The following ME1 variants were observed in gnomAD, a reference collection of about 807,000 sequenced individuals.
The protein encoded by ME1 is NADP-dependent malic enzyme.
In ME1, 74 loss-of-function variants were observed where a neutral mutation model predicts 66.4. That is an observed-to-expected ratio of 1.11 (90% CI 0.92 to 1.35). The LOEUF (loss-of-function observed/expected upper bound fraction) is 1.35. ME1 is among the 40% of genes most tolerant of loss of function. The pLI is 0.00. For synonymous variants in ME1, 251 were observed against 235.6 expected (o/e 1.07, Z -0.60); for missense variants, 750 against 694.1 (o/e 1.08, Z -0.90).
At chr6:83,254,512 T>A (rs1200567682) in intron 6 of ME1, among the ~76,000 whole-genome samples, 1 of 152,210 alleles carries the variant, frequency 6.6e-6, no homozygotes, top group Non-Finnish European at 1.5e-5. Context: ...TAGTAATGAT[T>A]AGACCATAGC....
intron 6 of ME1, among the ~76,000 whole-genome samples, chr6:83,296,983 T>C (rs942304634): frequency 6.6e-6 from 1 of 152,232 alleles, no homozygotes; most frequent in Non-Finnish European, 1.5e-5. Flanking sequence ...GTGATCATTA[T>C]GAATCAGTTG....
At chr6:83,318,066 A>T (rs895973243) in intron 5 of ME1, among the ~76,000 whole-genome samples, 2 of 151,988 alleles carry the variant, frequency 1.3e-5, no homozygotes, top group Non-Finnish European at 2.9e-5. Flanking sequence ...ATTCCCTATT[A>T]AATAAATGGT....
intron 8 of ME1, among the ~76,000 whole-genome samples, chr6:83,238,239 A>G (rs1790450660): frequency 6.6e-6 from 1 of 152,176 alleles, no homozygotes; most frequent in Admixed American, 6.5e-5. Flanking sequence ...ACAGAATGAA[A>G]CTGATGAAAA....
rs138950059 is a variant in ME1 at position 83,304,800 on chromosome 6, T to C, written c.704+10510A>G. On this transcript the variant is annotated intron_variant, in intron 6 of 13. Coordinates refer to ENST00000369705, the MANE Select transcript of ME1 (RefSeq NM_002395.6). ...TTGGCAACAGGAATGATTATTTTGT[T>C]CTTACATTTTGATTATGGCAAATTT... Among the ~76,000 whole-genome samples the C allele has an allele frequency of 4.6e-5, 7 of 152,316 alleles. No individual in the cohort carries two copies. The South Asian group carries it at 1.2e-3, about 27-fold the overall frequency.
At chr6:83,331,483 A>G (rs1257469480) in intron 5 of ME1, among the ~76,000 whole-genome samples, 1 of 151,316 alleles carries the variant, frequency 6.6e-6, no homozygotes, top group Admixed American at 6.6e-5. Flanking sequence ...GCTACTCAGG[A>G]GGCTGAGGCA....
chr6:83,392,607 C>T (rs1340235549), intron 3 of ME1: 22 of 572,976 alleles, frequency 3.8e-5, no homozygotes, highest in East Asian at 2.2e-4. Flanking sequence ...AGGCTGAGAA[C>T]GGGAAGCTTG....
At chr6:83,278,315 G>C (rs1324821369) in intron 6 of ME1, among the ~76,000 whole-genome samples, 4 of 152,132 alleles carry the variant, frequency 2.6e-5, no homozygotes, top group Non-Finnish European at 5.9e-5. Flanking sequence ...AGTCTTATGG[G>C]GGCCTCCACA....
At chr6:83,320,829 A>T (rs961965618) in intron 5 of ME1, among the ~76,000 whole-genome samples, 4 of 152,198 alleles carry the variant, frequency 2.6e-5, no homozygotes, top group African/African-American at 9.7e-5. Context: ...TTCTGAAGTA[A>T]ATCAGAAAGT....
chr6:83,225,205 C>CGAAAAAAAAAAAAAAAAAAA (rs1386353254), intron 11 of ME1, among the ~76,000 whole-genome samples: 1 of 40,498 alleles, frequency 2.5e-5, no homozygotes, highest in Non-Finnish European at 5.3e-5. Context: ...GACTCCATCT[C>CGAAAAAAAAAAAAAAAAAAA]AAAAAAAAAA....
chr6:83,344,026 C>CTGTTATCCCAGTGAAGCAGGAGGAT (rs1468401802), intron 5 of ME1, among the ~76,000 whole-genome samples: 6 of 151,148 alleles, frequency 4.0e-5, no homozygotes, highest in Middle Eastern at 3.2e-3. Flanking sequence ...TAAAACTTCA[C>CTGTTATCCCAGTGAAGCAGGAGGAT]TGTTATCCCA....
At chr6:83,267,078 GAAGGGT>G (rs768630252) in intron 6 of ME1, among the ~76,000 whole-genome samples, 6 of 152,046 alleles carry the variant, frequency 3.9e-5, no homozygotes, top group Non-Finnish European at 8.8e-5. Context: ...TATCTTTTAG[GAAGGGT>G]AATTTTGGTA....
At chr6:83,267,381 T>C (rs1465347515) in intron 6 of ME1, among the ~76,000 whole-genome samples, 1 of 152,136 alleles carries the variant, frequency 6.6e-6, no homozygotes, top group Non-Finnish European at 1.5e-5. Context: ...AGAGATCAAA[T>C]GAACAACCCC....
At chr6:83,289,663 G>C (rs1767464244) in intron 6 of ME1, among the ~76,000 whole-genome samples, 1 of 152,154 alleles carries the variant, frequency 6.6e-6, no homozygotes, top group Non-Finnish European at 1.5e-5. Flanking sequence ...AGTTAGGGAG[G>C]ATTCCCTTTT....
chr6:83,358,240 T>C (rs1768936787), intron 3 of ME1, among the ~76,000 whole-genome samples: 1 of 151,838 alleles, frequency 6.6e-6, no homozygotes, highest in African/African-American at 2.4e-5. Flanking sequence ...TTATGCAAAA[T>C]ATATGCATTT....
In ME1 at chr6:83,250,139, G is replaced by A. The variant is rs148554537; in HGVS notation, c.814+3490C>T. On this transcript the variant is annotated intron_variant, in intron 7 of 13. Transcript: ENST00000369705. Reference sequence around the variant, plus strand: ...TGAATCCTTTTATGTTTCATAGTCCGTTGGCTCTCTAGTTCTCTACAATAG... The same window carrying A: ...TGAATCCTTTTATGTTTCATAGTCCATTGGCTCTCTAGTTCTCTACAATAG... 2.2e-3 allele frequency among the ~76,000 whole-genome samples: 331 copies of A among 151,428 alleles called. 3 individuals carry two copies. The highest frequency in any genetic ancestry group is 0.012 in the East Asian group (61 of 5,150).
At chr6:83,362,675 T>C (rs942151899) in intron 3 of ME1, among the ~76,000 whole-genome samples, 27 of 152,338 alleles carry the variant, frequency 1.8e-4, no homozygotes, top group Admixed American at 9.8e-4. Context: ...GTTGATTATA[T>C]TGGACCTCTT....
intron 7 of ME1, among the ~76,000 whole-genome samples, chr6:83,241,060 G>C (rs1048839284): frequency 6.6e-6 from 1 of 152,114 alleles, no homozygotes; most frequent in Non-Finnish European, 1.5e-5. Context: ...AATATGGCTA[G>C]TGTATGTAGA....
intron 6 of ME1, among the ~76,000 whole-genome samples, chr6:83,289,075 T>C (rs565047660): frequency 2.7e-4 from 41 of 152,332 alleles, no homozygotes; most frequent in African/African-American, 9.6e-4. Flanking sequence ...TTTCTAAATA[T>C]ACAATCATGT....
chr6:83,349,635 C>T (rs901785824), intron 4 of ME1, among the ~76,000 whole-genome samples: 1 of 152,204 alleles, frequency 6.6e-6, no homozygotes, highest in Non-Finnish European at 1.5e-5. Context: ...AGAACCTTTG[C>T]ATCTTTTCCT....
Sources: allele counts gnomAD v4.1 joint callset (sites outside exome capture counted in the v4.1 genomes callset), GRCh38; gene constraint gnomAD v4.1.1; transcripts MANE v1.5; gene names NCBI Gene and HGNC (gene_info 2026-07-23, HGNC 2026-07-21).